The following NBAS variants were observed in gnomAD, a reference collection of about 807,000 sequenced individuals.
NBAS encodes NBAS subunit of NRZ tethering complex, also known as NAG/BC035112 fusion.
Under a neutral mutation model 302.5 loss-of-function variants are expected in NBAS, and 219 were observed. The observed-to-expected ratio is 0.72, with a 90% CI of 0.65 to 0.81. NBAS has a LOEUF of 0.81. Among genes scored for constraint, NBAS ranks in the 30% least tolerant of loss-of-function variants. The probability of loss-of-function intolerance (pLI) is 0.00; values close to 1 mark genes in which losing one functional copy is unlikely to be tolerated. For synonymous variants in NBAS, 1,118 were observed against 1,021.6 expected (o/e 1.09, Z -1.80); for missense variants, 2,932 against 2,841.6 (o/e 1.03, Z -0.72).
Position 15,413,576 on chromosome 2 carries a change from C to T in NBAS, c.2937+1970G>A, listed in dbSNP as rs572437853. Among the ~76,000 whole-genome samples, 18 of 152,214 alleles carry T rather than the reference C, an allele frequency of 1.2e-4. No homozygotes were observed. The South Asian group carries it at 1.9e-3, about 16-fold the overall frequency. On this transcript the variant is annotated intron_variant, in intron 25 of 51. Transcript: ENST00000281513. Reference sequence around the variant, plus strand: ...AACAAAGGAAACAGTCTGTAACACACGGAGGGCCATGAGTGAAACAGACAG... The same window carrying T: ...AACAAAGGAAACAGTCTGTAACACATGGAGGGCCATGAGTGAAACAGACAG...
chr2:15,202,364 CTAAA>C (rs1308920789), intron 48 of NBAS, among the ~76,000 whole-genome samples: 1 of 152,036 alleles, frequency 6.6e-6, no homozygotes, highest in Non-Finnish European at 1.5e-5. Flanking sequence ...TTTTACATGA[CTAAA>C]TATATTTTAT....
intron 49 of NBAS, among the ~76,000 whole-genome samples, chr2:15,189,674 A>C (rs772674708): frequency 6.6e-6 from 1 of 152,160 alleles, no homozygotes; most frequent in Non-Finnish European, 1.5e-5. Context: ...TACGGGTGGC[A>C]GCTGCAACTC....
the NBAS span, among the ~76,000 whole-genome samples, chr2:15,128,384 C>T: frequency 6.6e-6 from 1 of 152,266 alleles, no homozygotes; most frequent in African/African-American, 2.4e-5. Context: ...TTCTAAATTC[C>T]AAAGCACATC....
At chr2:15,514,093 T>A (rs1034696421) in intron 9 of NBAS, among the ~76,000 whole-genome samples, 3 of 152,176 alleles carry the variant, frequency 2.0e-5, no homozygotes, top group African/African-American at 7.2e-5. Flanking sequence ...TATTTTAGAG[T>A]CTTTATTTTG....
chr2:14,910,607 C>A, the NBAS span, among the ~76,000 whole-genome samples: 193 of 152,322 alleles, frequency 1.3e-3, no homozygotes, highest in African/African-American at 4.5e-3. Context: ...AGAACGCCTG[C>A]ACCAAGGCTT....
the NBAS span, among the ~76,000 whole-genome samples, chr2:14,869,027 T>C: frequency 1.3e-5 from 2 of 152,318 alleles, no homozygotes; most frequent in East Asian, 3.9e-4. Context: ...CCTGAGAGAA[T>C]GAAGTCAACT....
chr2:14,882,006 G>A, the NBAS span, among the ~76,000 whole-genome samples: 4 of 152,214 alleles, frequency 2.6e-5, no homozygotes, highest in East Asian at 1.9e-4. Context: ...AATGTCCCAT[G>A]TAACATCCAA....
intron 35 of NBAS, among the ~76,000 whole-genome samples, chr2:15,348,952 G>A (rs1558259370): frequency 1.3e-5 from 2 of 152,124 alleles, no homozygotes; most frequent in Admixed American, 6.5e-5. Context: ...AAGGACTCAA[G>A]GAAAACTTCA....
At chr2:15,103,269 AG>A in the NBAS span, among the ~76,000 whole-genome samples, 1 of 152,090 alleles carries the variant, frequency 6.6e-6, no homozygotes, top group African/African-American at 2.4e-5. Context: ...CTTTGAGAAA[AG>A]CTCTGAAAAT....
the NBAS span, among the ~76,000 whole-genome samples, chr2:15,024,280 T>G: frequency 1.3e-5 from 1 of 74,730 alleles, no homozygotes; most frequent in Non-Finnish European, 2.6e-5. Flanking sequence ...GTTCCATCAA[T>G]GTTCCTGCAA....
the NBAS span, among the ~76,000 whole-genome samples, chr2:14,909,211 T>C: frequency 6.6e-6 from 1 of 150,928 alleles, no homozygotes; most frequent in African/African-American, 2.4e-5. Context: ...TCCCAGCTAC[T>C]CGTGAGGCTG....
intron 9 of NBAS, among the ~76,000 whole-genome samples, chr2:15,525,074 C>T (rs939469852): frequency 1.3e-5 from 2 of 152,196 alleles, no homozygotes; most frequent in African/African-American, 4.8e-5. Context: ...TCCACATCTA[C>T]CTTTTATCCA....
chr2:15,366,499 A>C, intron 32 of NBAS, 81 bp downstream of exon 32: 1 of 1,322,496 alleles, frequency 7.6e-7, no homozygotes, highest in East Asian at 2.3e-5. Context: ...CGCTGTAAGC[A>C]CATATTCTGC....
At chr2:15,510,190 T>A (rs115431532) in intron 10 of NBAS, among the ~76,000 whole-genome samples, 1 of 152,208 alleles carries the variant, frequency 6.6e-6, no homozygotes, top group Non-Finnish European at 1.5e-5. Flanking sequence ...AACTAAGACA[T>A]GCAAGACTGC....
chr2:14,974,678 A>G, the NBAS span, among the ~76,000 whole-genome samples: 8 of 152,194 alleles, frequency 5.3e-5, no homozygotes, highest in Admixed American at 3.3e-4. Context: ...AGACTGGGTG[A>G]CATTCCTGTT....
At chr2:14,863,498 G>T in the NBAS span, among the ~76,000 whole-genome samples, 1 of 152,156 alleles carries the variant, frequency 6.6e-6, no homozygotes, top group Non-Finnish European at 1.5e-5. Context: ...GATCAGTTAG[G>T]GTAGGGCAGG....
chr2:15,215,565 C>T (rs188723131), intron 48 of NBAS, among the ~76,000 whole-genome samples: 1 of 152,236 alleles, frequency 6.6e-6, no homozygotes, highest in East Asian at 1.9e-4. Context: ...TGTCTCTATC[C>T]TTAATATCAC....
intron 28 of NBAS, among the ~76,000 whole-genome samples, chr2:15,390,187 T>A (rs1284540833): frequency 6.6e-6 from 1 of 152,180 alleles, no homozygotes; most frequent in East Asian, 1.9e-4. Flanking sequence ...CACACAGGCA[T>A]TAAGCAGAGT....
chr2:15,350,594 C>A (rs1325206216), intron 35 of NBAS, among the ~76,000 whole-genome samples: 1 of 152,126 alleles, frequency 6.6e-6, no homozygotes, highest in African/African-American at 2.4e-5. Context: ...CTTTGTCTCC[C>A]AGGATGGAAG....
Sources: gnomAD v4.1 joint callset for allele counts (sites outside exome capture counted in the v4.1 genomes callset) on GRCh38, gnomAD v4.1.1 for gene constraint, MANE v1.5 for transcripts, NCBI Gene and HGNC (gene_info 2026-07-23, HGNC 2026-07-21) for gene names.